The following TRANK1 variants were observed in gnomAD, a reference collection of about 807,000 sequenced individuals.
The protein encoded by TRANK1 is TPR and ankyrin repeat-containing protein 1.
In TRANK1, 198 loss-of-function variants were observed where a neutral mutation model predicts 266.0. The ratio of observed to expected loss-of-function variants is 0.74; its 90% CI spans 0.66 to 0.84. TRANK1 has a LOEUF of 0.84. Ranked by LOEUF, TRANK1 falls within the 40% of genes least tolerant of loss-of-function variation. The probability of loss-of-function intolerance (pLI) is 0.00; values close to 1 mark genes in which losing one functional copy is unlikely to be tolerated. For synonymous variants in TRANK1, 1,396 were observed against 1,384.1 expected, an observed-to-expected ratio of 1.01 and a Z score of -0.19; for missense variants, 3,326 against 3,634.6, an observed-to-expected ratio of 0.92 and a Z score of 2.18.
At chr3:36,884,690 T>C (rs1269643798) in intron 8 of TRANK1, among the ~76,000 whole-genome samples, 1 of 152,176 alleles carries the variant, frequency 6.6e-6, no homozygotes, top group Non-Finnish European at 1.5e-5. Flanking sequence ...CACAGCACTT[T>C]GGGAGGCCCA....
chr3:36,847,351 A>G lies in TRANK1; in HGVS notation c.4888-5T>C, dbSNP rs762040577. ...GATCTTCCATTCCTTATAAGCCTGAACAACAACAAAAAAGTGAAGACCAAC... is the reference window on the plus strand; with the variant it reads ...GATCTTCCATTCCTTATAAGCCTGAGCAACAACAAAAAAGTGAAGACCAAC... On this transcript the variant is annotated splice_polypyrimidine_tract_variant and splice_region_variant and intron_variant, in intron 15 of 23. Coordinates refer to ENST00000645898, the MANE Select transcript of TRANK1 (RefSeq NM_001329998.2). 6.2e-7 allele frequency: 1 copy of G among 1,613,004 alleles called. No homozygotes were observed. The highest frequency in any genetic ancestry group is 1.7e-5 in the Admixed American group (1 of 59,904).
At chr3:36,834,110 A>T (rs1007185828) in intron 21 of TRANK1, among the ~76,000 whole-genome samples, 191 bp from the exon 22 acceptor site, 10 of 152,256 alleles carry the variant, frequency 6.6e-5, no homozygotes. Flanking sequence ...TATAATAATA[A>T]TGAATAAATT....
chr3:36,879,785 TGTAA>T (rs2079467292), intron 8 of TRANK1, among the ~76,000 whole-genome samples: 2 of 83,832 alleles, frequency 2.4e-5, no homozygotes, highest in African/African-American at 1.2e-4. Context: ...TATATAAATA[TGTAA>T]ATATATAAAT....
At chr3:36,914,226 C>T (rs1234972686) in intron 1 of TRANK1, among the ~76,000 whole-genome samples, 4 of 151,708 alleles carry the variant, frequency 2.6e-5, no homozygotes, top group Non-Finnish European at 4.4e-5. Flanking sequence ...CTCCATCTCC[C>T]GGGTTCAAGC....
At chr3:36,830,846 TG>T (rs1259512656) in intron 22 of TRANK1, 26 bp downstream of exon 22, 7 of 1,556,578 alleles carry the variant, frequency 4.5e-6, no homozygotes, top group Non-Finnish European at 6.1e-6. Context: ...TCACTCTGCC[TG>T]GGCCCCCATC....
intron 1 of TRANK1, among the ~76,000 whole-genome samples, chr3:36,917,288 ATAAACT>A (rs1490698204): frequency 4.6e-5 from 7 of 152,238 alleles, no homozygotes; most frequent in Admixed American, 2.6e-4. Context: ...CCTCGAATAG[ATAAACT>A]TAAAACTGTC....
rs1191505922 is a variant in TRANK1 at position 36,856,549 on chromosome 3, T to C, written c.3173A>G (p.Glu1058Gly). Residue 1058 changes from glutamate to glycine, a missense_variant, in exon 13 of 24, where the codon GAG (glutamate) becomes GGG (glycine). Glu to Gly is a moderately conservative substitution (Grantham distance 98, BLOSUM62 -2). Coordinates refer to ENST00000645898, the MANE Select transcript of TRANK1 (RefSeq NM_001329998.2). The stretch of plus-strand genomic sequence containing the variant: ...GGGATTGAGGTCGATCACCGCGTAC[T>C]CAAGCTCACCCACCCGGAAGGGGTA... The part of the protein sequence containing the change: ...VEYPFRVGEL[E>G]YAVIDLNPRP... The C allele has an allele frequency of 1.2e-6, 2 of 1,613,898 alleles. No homozygotes were observed. The highest frequency in any genetic ancestry group is 1.7e-6 in the Non-Finnish European group (2 of 1,179,904).
At chr3:36,851,492 A>G in intron 15 of TRANK1, 1 of 1,243,546 alleles carries the variant, frequency 8.0e-7, no homozygotes, top group Non-Finnish European at 1.0e-6. Flanking sequence ...AAAGAAGGGC[A>G]GGGCACAGGG....
intron 1 of TRANK1, among the ~76,000 whole-genome samples, chr3:36,909,775 C>G (rs2080025457): frequency 6.6e-6 from 1 of 152,194 alleles, no homozygotes; most frequent in Admixed American, 6.5e-5. Context: ...CTGTACTCCA[C>G]TTCTTAAGCA....
intron 8 of TRANK1, among the ~76,000 whole-genome samples, chr3:36,883,681 T>G (rs2079563211): frequency 6.6e-6 from 1 of 151,982 alleles, no homozygotes; most frequent in Non-Finnish European, 1.5e-5. Flanking sequence ...GAAATGGAAA[T>G]GGCCAGGGTG....
rs1053243976 is a variant in TRANK1, at chr3:36,827,560, C to T, written c.*715G>A. On this transcript the variant is annotated 3_prime_UTR_variant, in exon 24 of 24. Transcript: ENST00000645898. The stretch of plus-strand genomic sequence containing the variant: ...CAGCAACATTCCCCAGCCTTTCCCC[C>T]TAGGGAAGGGACATCCAAAGAACAC... The T allele has an allele frequency of 6.6e-6, 1 of 152,214 alleles. No homozygotes were observed. Among genetic ancestry groups the T allele is most frequent in the Non-Finnish European group, 1.5e-5 (1 of 68,022 alleles). The allele number at this position is 152,214 out of a possible 1,614,324, so 9.4% of individuals were successfully genotyped here.
chr3:36,943,635 C>CTTTT (rs113837132), intron 1 of TRANK1, among the ~76,000 whole-genome samples: 1 of 145,674 alleles, frequency 6.9e-6, no homozygotes, highest in African/African-American at 2.5e-5. Flanking sequence ...CACCGTAGTA[C>CTTTT]TTTTTTTTTT....
chr3:36,893,699 G>GCC (rs2079744560), intron 5 of TRANK1, among the ~76,000 whole-genome samples: 2 of 152,264 alleles, frequency 1.3e-5, no homozygotes, highest in South Asian at 4.2e-4. Flanking sequence ...ATCTTGAGAA[G>GCC]CCCCTACTGA....
chr3:36,879,764 A>C (rs1214181462), intron 8 of TRANK1, among the ~76,000 whole-genome samples: 1 of 70,704 alleles, frequency 1.4e-5, no homozygotes, highest in Non-Finnish European at 2.6e-5. Context: ...ATATATAAAT[A>C]TATATAAATA....
chr3:36,832,085 G>A lies in TRANK1; in HGVS notation c.7498C>T (p.Leu2500Phe), dbSNP rs2078703199. The change falls in exon 22 of 24, where the codon CTT becomes TTT. Residue 2500 changes from leucine to phenylalanine, a missense_variant. Coordinates refer to ENST00000645898, the MANE Select transcript of TRANK1 (RefSeq NM_001329998.2). ...TGAATGATGGAGAACACATCCCCAA[G>A]CTCCTTGTCCTTCTTGCTAAACAGG... Reference protein sequence around the residue: ...EFLFSKKDKELGDVFSIIQEY... With the variant: ...EFLFSKKDKEFGDVFSIIQEY... 6.2e-7 allele frequency: 1 copy of A among 1,613,906 alleles called. No individual in the cohort carries two copies. Among genetic ancestry groups the A allele is most frequent in the African/African-American group, 1.3e-5 (1 of 74,916 alleles).
At chr3:36,854,187 C>T (rs184666763) in intron 13 of TRANK1, among the ~76,000 whole-genome samples, 2 of 152,064 alleles carry the variant, frequency 1.3e-5, no homozygotes, top group Admixed American at 1.3e-4. Context: ...ATAGTGAAAC[C>T]CCATCTCTAC....
At position 36,858,837 on chromosome 3, in the gene TRANK1, T is replaced by A; in HGVS notation, c.1553A>T (p.His518Leu). 2.0e-6 allele frequency: 3 copies of A among 1,537,270 alleles called. No individual in the cohort carries two copies. The highest frequency in any genetic ancestry group is 2.6e-6 in the Non-Finnish European group (3 of 1,146,874). Residue 518 changes from histidine to leucine, a missense_variant, in exon 12 of 24, where the codon CAT (histidine) becomes CTT (leucine). By Grantham distance (99) the His-to-Leu change is moderately conservative (BLOSUM62 -3). Coordinates refer to ENST00000645898, the MANE Select transcript of TRANK1 (RefSeq NM_001329998.2). ...AAGGAAAGCCAACTCGAAGTCCTCA[T>A]GTTTCAGGCACGTGACAACTGGCCT... Reference protein sequence around the residue: ...QERPVVTCLKHEDFELAFLLL... With the variant: ...QERPVVTCLKLEDFELAFLLL...
At chr3:36,850,009 A>C (rs941483997) in intron 15 of TRANK1, 31 of 985,416 alleles carry the variant, frequency 3.1e-5, no homozygotes, top group Non-Finnish European at 3.7e-5. Flanking sequence ...TTCCAGGATC[A>C]AGGTAAGACA....
chr3:36,858,913 G>A lies in TRANK1; in HGVS notation c.1496-19C>T. The A allele has an allele frequency of 2.0e-6, 3 of 1,524,318 alleles. No homozygotes were observed. 94.4% of individuals were successfully genotyped at this position (1,524,318 alleles called of 1,614,324 possible). On this transcript the variant is annotated intron_variant, in intron 11 of 23. Coordinates refer to ENST00000645898, the MANE Select transcript of TRANK1 (RefSeq NM_001329998.2). Reference sequence around the variant, plus strand: ...GGCAAGGCTGGGAGAGGAGAGAAGGGAAGCGCAATGTGAGCAGGCACAGCC... The same window carrying A: ...GGCAAGGCTGGGAGAGGAGAGAAGGAAAGCGCAATGTGAGCAGGCACAGCC...
Sources: gnomAD v4.1 joint callset for allele counts (sites outside exome capture counted in the v4.1 genomes callset) on GRCh38, gnomAD v4.1.1 for gene constraint, MANE v1.5 for transcripts, NCBI Gene and HGNC (gene_info 2026-07-23, HGNC 2026-07-21) for gene names.